CNTNAP2: variants seen among roughly 807,000 people sequenced by gnomAD.
The protein encoded by CNTNAP2 is contactin associated protein 2, also known as contactin-associated protein-like 2.
CNTNAP2 carries 98 observed loss-of-function variants against 155.2 expected under a neutral mutation model. The ratio of observed to expected loss-of-function variants is 0.63; its 90% CI spans 0.54 to 0.75. The LOEUF is 0.75. Among genes scored for constraint, CNTNAP2 ranks in the 30% least tolerant of loss-of-function variants. The probability of loss-of-function intolerance (pLI) is 0.00; values close to 1 mark genes in which losing one functional copy is unlikely to be tolerated. For missense variants in CNTNAP2, 1,727 were observed against 1,688.1 expected (o/e 1.02, Z -0.40); for synonymous variants, 651 against 631.2 (o/e 1.03, Z -0.47).
At chr7:148,066,154 T>C (rs1803255700) in intron 15 of CNTNAP2, among the ~76,000 whole-genome samples, 1 of 152,230 alleles carries the variant, frequency 6.6e-6, no homozygotes, top group South Asian at 2.1e-4. Context: ...AGAAATCTGC[T>C]GTTAATCTGA....
intron 1 of CNTNAP2, among the ~76,000 whole-genome samples, chr7:146,643,972 T>G (rs1033830745): frequency 6.6e-6 from 1 of 152,222 alleles, no homozygotes; most frequent in African/African-American, 2.4e-5. Flanking sequence ...GGTCTGTTAT[T>G]GGTGTATAAG....
At chr7:148,254,650 C>G (rs891752515) in intron 20 of CNTNAP2, among the ~76,000 whole-genome samples, 1 of 151,974 alleles carries the variant, frequency 6.6e-6, no homozygotes, top group Non-Finnish European at 1.5e-5. Context: ...GTGGCGGGCA[C>G]CTGTAGTCCC....
At chr7:148,307,304 C>T (rs925359665) in intron 21 of CNTNAP2, among the ~76,000 whole-genome samples, 9 of 152,156 alleles carry the variant, frequency 5.9e-5, no homozygotes, top group African/African-American at 1.4e-4. Context: ...ATGTTCTTCA[C>T]GAGCTTCCAG....
intron 1 of CNTNAP2, among the ~76,000 whole-genome samples, chr7:146,151,650 A>ACG (rs1798043058): frequency 4.6e-5 from 1 of 21,850 alleles, no homozygotes; most frequent in African/African-American, 1.5e-4. Flanking sequence ...ATATATATAT[A>ACG]TATATATATA....
chr7:146,960,943 T>C (rs908822933), intron 3 of CNTNAP2, among the ~76,000 whole-genome samples: 5 of 152,200 alleles, frequency 3.3e-5, no homozygotes, highest in African/African-American at 1.2e-4. Context: ...TAGCTACTCC[T>C]TTGCTACTCC....
At chr7:147,326,703 G>T (rs1364913928) in intron 9 of CNTNAP2, among the ~76,000 whole-genome samples, 1 of 152,104 alleles carries the variant, frequency 6.6e-6, no homozygotes, top group East Asian at 1.9e-4. Flanking sequence ...TATTTTCAAG[G>T]TTTTACTTTG....
chr7:148,335,515 C>T (rs1023043527), intron 21 of CNTNAP2, among the ~76,000 whole-genome samples: 14 of 152,254 alleles, frequency 9.2e-5, no homozygotes, highest in African/African-American at 2.6e-4. Context: ...CAAGAGACTC[C>T]CAGACACTAG....
intron 1 of CNTNAP2, among the ~76,000 whole-genome samples, chr7:146,181,696 C>T (rs1798551787): frequency 6.6e-6 from 1 of 152,134 alleles, no homozygotes; most frequent in Non-Finnish European, 1.5e-5. Flanking sequence ...CTTGGCAACA[C>T]AAGCCTGGCC....
chr7:148,417,345 T>G lies in CNTNAP2; in HGVS notation c.*1729T>G, dbSNP rs978409102. On this transcript the variant is annotated 3_prime_UTR_variant, in exon 24 of 24. Coordinates refer to ENST00000361727, the MANE Select transcript of CNTNAP2 (RefSeq NM_014141.6). The stretch of plus-strand genomic sequence containing the variant: ...TTACCTAGAGTTGCCAGTGGCACAT[T>G]ACACCAGTACAGAGCACATTCCAAA... 6 of 152,606 alleles carry G rather than the reference T, an allele frequency of 3.9e-5. No individual in the cohort carries two copies. Among genetic ancestry groups the G allele is most frequent in the African/African-American group, 1.4e-4 (6 of 41,436 alleles). The allele number at this position is 152,606 out of a possible 1,614,324, so 9.5% of individuals were successfully genotyped here. A position where few individuals can be genotyped will look rare whatever the true frequency, so the allele number is the denominator to read the frequency against.
chr7:147,876,408 A>C (rs1799419296), intron 13 of CNTNAP2, among the ~76,000 whole-genome samples: 2 of 152,168 alleles, frequency 1.3e-5, no homozygotes, highest in Non-Finnish European at 2.9e-5. Context: ...AGCCAAAATA[A>C]TGTTTATTTG....
chr7:148,089,037 G>A (rs889896422), intron 15 of CNTNAP2, among the ~76,000 whole-genome samples: 3 of 151,952 alleles, frequency 2.0e-5, no homozygotes, highest in African/African-American at 7.2e-5. Context: ...CACATTAGCA[G>A]AATGAAGGAC....
chr7:147,850,503 C>T (rs1378414256), intron 13 of CNTNAP2, among the ~76,000 whole-genome samples: 1 of 152,184 alleles, frequency 6.6e-6, no homozygotes, highest in African/African-American at 2.4e-5. Flanking sequence ...ATCACACTAC[C>T]TGACTTCAAA....
At chr7:147,084,698 A>C (rs1393139527) in intron 4 of CNTNAP2, among the ~76,000 whole-genome samples, 1 of 147,772 alleles carries the variant, frequency 6.8e-6, no homozygotes, top group Non-Finnish European at 1.5e-5. Context: ...ATATGTATAC[A>C]TAATGCATAT....
chr7:147,329,790 A>G (rs918093972), intron 9 of CNTNAP2, among the ~76,000 whole-genome samples: 1 of 151,936 alleles, frequency 6.6e-6, no homozygotes, highest in Admixed American at 6.6e-5. Flanking sequence ...TATGCTTTAC[A>G]TCTTCCTCTA....
intron 13 of CNTNAP2, among the ~76,000 whole-genome samples, chr7:147,640,702 T>A (rs1036479172): frequency 3.3e-5 from 5 of 150,954 alleles, no homozygotes; most frequent in African/African-American, 4.9e-5. Context: ...ATACGTGGAG[T>A]GGTTTTAAGG....
intron 15 of CNTNAP2, among the ~76,000 whole-genome samples, chr7:148,018,323 A>G (rs1393708328): frequency 6.6e-6 from 1 of 152,188 alleles, no homozygotes; most frequent in Non-Finnish European, 1.5e-5. Context: ...TAATTTCTTA[A>G]TTTCAGTTTA....
At chr7:146,152,052 A>G (rs1157086499) in intron 1 of CNTNAP2, among the ~76,000 whole-genome samples, 1 of 151,940 alleles carries the variant, frequency 6.6e-6, no homozygotes. Flanking sequence ...TGTTGAAAAG[A>G]TATTTGTACT....
chr7:147,331,347 A>T (rs991733997), intron 9 of CNTNAP2, among the ~76,000 whole-genome samples: 3 of 152,190 alleles, frequency 2.0e-5, no homozygotes, highest in African/African-American at 7.2e-5. Context: ...AAGGATGCAA[A>T]CATTTGGAAG....
chr7:147,983,696 A>G (rs1469853512), intron 15 of CNTNAP2, among the ~76,000 whole-genome samples: 1 of 152,204 alleles, frequency 6.6e-6, no homozygotes, highest in Non-Finnish European at 1.5e-5. Flanking sequence ...GGATTTAAAA[A>G]TGTTCTGGTT....
Sources: gnomAD v4.1 joint callset for allele counts (sites outside exome capture counted in the v4.1 genomes callset) on GRCh38, gnomAD v4.1.1 for gene constraint, MANE v1.5 for transcripts, NCBI Gene and HGNC (gene_info 2026-07-23, HGNC 2026-07-21) for gene names.